Variants in COL4A3 observed in about 807,000 individuals in gnomAD.
COL4A3 encodes the protein collagen alpha-3(IV) chain.
In COL4A3, 135 loss-of-function variants were observed where a neutral mutation model predicts 217.4. The ratio of observed to expected loss-of-function variants is 0.62; its 90% CI spans 0.54 to 0.72. COL4A3 has a LOEUF of 0.72. Among genes scored for constraint, COL4A3 ranks in the 30% least tolerant of loss-of-function variants. The probability of loss-of-function intolerance (pLI) is 0.00; values close to 1 mark genes in which losing one functional copy is unlikely to be tolerated. For synonymous variants in COL4A3, 690 were observed against 736.3 expected (o/e 0.94, Z 1.02); for missense variants, 1,868 against 2,119.9 (o/e 0.88, Z 2.33).
At chr2:227,277,404 G>C (rs927658111) in intron 27 of COL4A3, 45 bp from the exon 28 acceptor site, 2 of 1,160,836 alleles carry the variant, frequency 1.7e-6, no homozygotes, top group Admixed American at 1.8e-5. Flanking sequence ...ATAAGATGAA[G>C]GAAAGTTGCT....
intron 11 of COL4A3, among the ~76,000 whole-genome samples, chr2:227,252,191 C>T (rs1186040695): frequency 3.4e-5 from 5 of 148,140 alleles, no homozygotes; most frequent in Non-Finnish European, 5.9e-5. Context: ...ATCAGGTAGC[C>T]TTTTATTTTA....
At chr2:227,269,067 A>G (rs2071086309) in intron 23 of COL4A3, among the ~76,000 whole-genome samples, 1 of 152,222 alleles carries the variant, frequency 6.6e-6, no homozygotes, top group African/African-American at 2.4e-5. Context: ...TAGAATCTGA[A>G]TAAATATGTG....
intron 9 of COL4A3, among the ~76,000 whole-genome samples, chr2:227,249,716 G>C (rs2069618727): frequency 6.6e-6 from 1 of 152,064 alleles, no homozygotes. Context: ...ATGCAATTAG[G>C]AGCCATTATA....
chr2:227,183,894 C>T lies in COL4A3; in HGVS notation c.87+19081C>T, dbSNP rs77414789. On this transcript the variant is annotated intron_variant, in intron 1 of 51. Transcript: ENST00000396578. ...AGGAGGTTATTCATCCTGACAGCAG[C>T]GCCTTGCAAAAACTCTCCATCAGTT... Among the ~76,000 whole-genome samples the T allele has an allele frequency of 8.8e-3, 1,345 of 152,286 alleles. 22 individuals carry two copies. The highest frequency in any genetic ancestry group is 0.03 in the African/African-American group (1,254 of 41,538).
At chr2:227,180,159 C>A (rs755852849) in intron 1 of COL4A3, among the ~76,000 whole-genome samples, 2 of 152,178 alleles carry the variant, frequency 1.3e-5, no homozygotes, top group African/African-American at 2.4e-5. Flanking sequence ...GGTTTACAGA[C>A]ACGGACTAGA....
At position 227,309,231 on chromosome 2, in the gene COL4A3, C is replaced by G; in HGVS notation, c.4668C>G (p.Ile1556Met). The change falls in exon 50 of 52, where the codon ATC becomes ATG. Residue 1556 changes from isoleucine to methionine, a missense_variant. Coordinates refer to ENST00000396578, the MANE Select transcript of COL4A3 (RefSeq NM_000091.5). Reference sequence around the variant, plus strand: ...GCACTGTTTGTGAAGGTCCTGCGATCGCCATAGCCGTTCACAGCCAAACCA... The same window carrying G: ...GCACTGTTTGTGAAGGTCCTGCGATGGCCATAGCCGTTCACAGCCAAACCA... ...SRCTVCEGPA[I>M]AIAVHSQTTD... 1 of 1,614,208 alleles carries G rather than the reference C, an allele frequency of 6.2e-7. No individual in the cohort carries two copies. The highest frequency in any genetic ancestry group is 8.5e-7 in the Non-Finnish European group (1 of 1,180,042).
rs536230948 is a variant in COL4A3 at position 227,312,648 on chromosome 2, T to C, written c.*778T>C. The C allele has an allele frequency of 6.5e-6, 1 of 152,788 alleles. No homozygotes were observed. Among genetic ancestry groups the C allele is most frequent in the South Asian group, 2.1e-4 (1 of 4,830 alleles). 9.5% of individuals were successfully genotyped at this position (152,788 alleles called of 1,614,324 possible). On this transcript the variant is annotated 3_prime_UTR_variant, in exon 52 of 52. Coordinates refer to ENST00000396578, the MANE Select transcript of COL4A3 (RefSeq NM_000091.5). ...GTGAATTAGTTTTAAAATGATATTG[T>C]TATATACATACTATGAAATATGTAT... is the stretch of plus-strand genomic sequence containing the variant.
intron 1 of COL4A3, among the ~76,000 whole-genome samples, chr2:227,166,836 T>C (rs1298760319): frequency 6.6e-6 from 1 of 152,218 alleles, no homozygotes. Context: ...CATGGCTCCC[T>C]TCACAGAGAA....
Position 227,309,197 on chromosome 2 carries a change from G to C in COL4A3, c.4641-7G>C. 6.2e-7 allele frequency: 1 copy of C among 1,614,098 alleles called. No homozygotes were observed. The highest frequency in any genetic ancestry group is 8.5e-7 in the Non-Finnish European group (1 of 1,179,916). ...AATGCCGCCATAGTCTTTGTTTCAT[G>C]TTACAGATGCACTGTTTGTGAAGGT... On this transcript the variant is annotated splice_region_variant and splice_polypyrimidine_tract_variant and intron_variant, in intron 49 of 51. Transcript: ENST00000396578.
chr2:227,249,032 G>C (rs1425675750), intron 9 of COL4A3, among the ~76,000 whole-genome samples: 1 of 150,630 alleles, frequency 6.6e-6, no homozygotes, highest in Non-Finnish European at 1.5e-5. Flanking sequence ...TCCAGTTGAA[G>C]TGTTTGCTTT....
At chr2:227,248,780 T>C (rs1241215129) in intron 9 of COL4A3, among the ~76,000 whole-genome samples, 2 of 152,176 alleles carry the variant, frequency 1.3e-5, no homozygotes, top group Non-Finnish European at 2.9e-5. Context: ...TTCTTCACTC[T>C]CAGTCACCAA....
At chr2:227,178,224 A>T (rs563922280) in intron 1 of COL4A3, among the ~76,000 whole-genome samples, 9 of 152,042 alleles carry the variant, frequency 5.9e-5, no homozygotes, top group Admixed American at 3.3e-4. Flanking sequence ...TCTACCAAAA[A>T]TTTAAAAATT....
At chr2:227,198,586 T>G (rs371980716) in intron 1 of COL4A3, among the ~76,000 whole-genome samples, 3 of 152,284 alleles carry the variant, frequency 2.0e-5, no homozygotes, top group East Asian at 3.9e-4. Flanking sequence ...TAAAAATGTA[T>G]TCATCTAACA....
At chr2:227,289,479 G>T (rs1248118729) in intron 35 of COL4A3, among the ~76,000 whole-genome samples, 3 of 152,106 alleles carry the variant, frequency 2.0e-5, no homozygotes, top group Non-Finnish European at 2.9e-5. Context: ...ATTTCATTCT[G>T]AAATTGCTGA....
In COL4A3 at chr2:227,295,204, T is replaced by C. The variant is rs2072975915; in HGVS notation, c.3518-65T>C. ...CATGTTTTCGGTGTGTACTAAACTT[T>C]TCTCATAGACATATAATGTAATGAA... On this transcript the variant is annotated intron_variant, in intron 40 of 51. Coordinates refer to ENST00000396578, the MANE Select transcript of COL4A3 (RefSeq NM_000091.5). 4.5e-6 allele frequency: 7 copies of C among 1,572,098 alleles called. No individual in the cohort carries two copies. The Admixed American group carries it at 1.2e-4, about 26-fold the overall frequency.
intron 1 of COL4A3, among the ~76,000 whole-genome samples, chr2:227,187,874 A>G (rs1379722048): frequency 1.3e-5 from 2 of 152,132 alleles, no homozygotes; most frequent in Admixed American, 6.5e-5. Flanking sequence ...CTAATGCCCC[A>G]TATCTCCAGA....
rs565531054 is a variant in COL4A3 at position 227,203,849 on chromosome 2, A to G, written c.88-34119A>G. ...TCTCCTAGTTTTATTTTCAGCAATAATATTCCAAAAATATTTGCCACATAT... is the reference window on the plus strand; with the variant it reads ...TCTCCTAGTTTTATTTTCAGCAATAGTATTCCAAAAATATTTGCCACATAT... On this transcript the variant is annotated intron_variant, in intron 1 of 51. Coordinates refer to ENST00000396578, the MANE Select transcript of COL4A3 (RefSeq NM_000091.5). Among the ~76,000 whole-genome samples, 8 of 151,864 alleles carry G rather than the reference A, an allele frequency of 5.3e-5. No individual in the cohort carries two copies. In the South Asian group the frequency reaches 1.7e-3, roughly 32 times the overall value.
chr2:227,257,531 G>A (rs1242901056), intron 17 of COL4A3, 72 bp from the exon 18 acceptor site: 8 of 1,238,398 alleles, frequency 6.5e-6, no homozygotes, highest in Non-Finnish European at 9.5e-6. Flanking sequence ...CATTTTAACT[G>A]TACATCTTGC....
chr2:227,311,493 C>A (rs2106296893), intron 51 of COL4A3, among the ~76,000 whole-genome samples: 1 of 152,198 alleles, frequency 6.6e-6, no homozygotes, highest in South Asian at 2.1e-4. Context: ...GATTCTCCTG[C>A]CTCAGCCTCC....
Sources: gnomAD v4.1 joint callset for allele counts (sites outside exome capture counted in the v4.1 genomes callset) on GRCh38, gnomAD v4.1.1 for gene constraint, MANE v1.5 for transcripts, NCBI Gene and HGNC (gene_info 2026-07-23, HGNC 2026-07-21) for gene names.